Variants in ALX4 observed in about 807,000 individuals in gnomAD.
ALX4 encodes homeobox protein aristaless-like 4.
In ALX4, 22 loss-of-function variants were observed where a neutral mutation model predicts 40.6. The observed-to-expected ratio is 0.54, with a 90% confidence interval of 0.39 to 0.77. The LOEUF is 0.77. Among genes scored for constraint, ALX4 ranks in the 30% least tolerant of loss-of-function variants. ALX4 has a pLI of 0.00. For missense variants in ALX4, 556 were observed against 564.8 expected (o/e 0.98, Z 0.16); for synonymous variants, 266 against 240.5 (o/e 1.11, Z -0.98).
At chr11:44,299,572 G>A (rs895901365) in intron 1 of ALX4, among the ~76,000 whole-genome samples, 3 of 152,096 alleles carry the variant, frequency 2.0e-5, no homozygotes, top group Non-Finnish European at 4.4e-5. Context: ...GTGTTAGCCA[G>A]GATGGTCTCA....
At chr11:44,305,599 A>AC (rs1215744140) in intron 1 of ALX4, among the ~76,000 whole-genome samples, 1 of 151,832 alleles carries the variant, frequency 6.6e-6, no homozygotes, top group African/African-American at 2.4e-5. Flanking sequence ...TTCAAATACG[A>AC]CCCCGGCAGA....
In ALX4 at chr11:44,264,951, T is replaced by C; in HGVS notation, c.1139A>G (p.Tyr380Cys). 1 of 1,613,186 alleles carries C rather than the reference T, an allele frequency of 6.2e-7. No individual in the cohort carries two copies. Among genetic ancestry groups the C allele is most frequent in the South Asian group, 1.1e-5 (1 of 91,074 alleles). ...GCGGTCCGGCTCGCCGTTGAGCTCGTAGCCATTGAGGCCTGGGCTGAGGCT... is the reference window on the plus strand; with the variant it reads ...GCGGTCCGGCTCGCCGTTGAGCTCGCAGCCATTGAGGCCTGGGCTGAGGCT... Reference protein sequence around the residue: ...AASLSPGLNGYELNGEPDRKT... With the variant: ...AASLSPGLNGCELNGEPDRKT... Residue 380 changes from tyrosine (Y) to cysteine (C), a missense_variant, in exon 4 of 4, where the codon TAC (tyrosine) becomes TGC (cysteine). Physicochemically the swap from Tyr to Cys is radical, Grantham distance 194. Transcript: ENST00000652299.
intron 2 of ALX4, among the ~76,000 whole-genome samples, chr11:44,269,177 T>C (rs559066297): frequency 6.6e-6 from 1 of 152,358 alleles, no homozygotes; most frequent in South Asian, 2.1e-4. Context: ...CTGCCTGGCC[T>C]CTTTGGGCAT....
At position 44,271,737 on chromosome 11, in the gene ALX4, ACT is replaced by A. The variant is rs898527485; in HGVS notation, c.777+3609_777+3610del. ...GCGCGCATGTGTGTGTGCAGAGAAC[ACT>A]CTGTTTTAGTTGTATGGTGGCAACT... On this transcript the variant is annotated intron_variant, in intron 2 of 3. Transcript: ENST00000652299. Among the ~76,000 whole-genome samples, 21 of 151,938 alleles carry A rather than the reference ACT, an allele frequency of 1.4e-4. No individual in the cohort carries two copies. In the East Asian group the frequency reaches 1.5e-3, roughly 11 times the overall value.
chr11:44,288,470 C>A (rs958421015), intron 1 of ALX4, among the ~76,000 whole-genome samples: 2 of 152,196 alleles, frequency 1.3e-5, no homozygotes, highest in Non-Finnish European at 2.9e-5. Flanking sequence ...TCCCTAGGAA[C>A]CCCTCTTGTG....
At chr11:44,302,123 C>A (rs958164003) in intron 1 of ALX4, among the ~76,000 whole-genome samples, 3 of 152,188 alleles carry the variant, frequency 2.0e-5, no homozygotes, top group African/African-American at 7.2e-5. Context: ...GGGGGCGCCT[C>A]TGGAGGCAGA....
chr11:44,273,457 C>T (rs376316899), intron 2 of ALX4, among the ~76,000 whole-genome samples: 8 of 152,180 alleles, frequency 5.3e-5, no homozygotes, highest in African/African-American at 1.7e-4. Context: ...TCATGCTGGT[C>T]GGGGCAGATA....
chr11:44,309,563 T>G, intron 1 of ALX4, 34 bp downstream of exon 1: 1 of 1,551,356 alleles, frequency 6.4e-7, no homozygotes, highest in Non-Finnish European at 8.6e-7. Flanking sequence ...CACCCCGTGG[T>G]CCCCAGCACC....
At chr11:44,300,688 G>A (rs1956429729) in intron 1 of ALX4, among the ~76,000 whole-genome samples, 1 of 152,214 alleles carries the variant, frequency 6.6e-6, no homozygotes, top group Non-Finnish European at 1.5e-5. Flanking sequence ...CAGGGCCAAA[G>A]TGCCATTCAA....
At chr11:44,278,457 C>A (rs1342847570) in intron 1 of ALX4, among the ~76,000 whole-genome samples, 1 of 152,166 alleles carries the variant, frequency 6.6e-6, no homozygotes, top group Non-Finnish European at 1.5e-5. Context: ...TTGTGGGGGG[C>A]AGGACCAGCC....
At chr11:44,275,039 CTT>C (rs1956269363) in intron 2 of ALX4, among the ~76,000 whole-genome samples, 1 of 152,188 alleles carries the variant, frequency 6.6e-6, no homozygotes, top group Non-Finnish European at 1.5e-5. Context: ...AGCCAGGACT[CTT>C]ACACTGTGTA....
chr11:44,273,993 G>T (rs1354629395), intron 2 of ALX4, among the ~76,000 whole-genome samples: 1 of 151,776 alleles, frequency 6.6e-6, no homozygotes, highest in Non-Finnish European at 1.5e-5. Context: ...GATAAAATGG[G>T]CCCAGGCATG....
chr11:44,299,893 A>G (rs1956425548), intron 1 of ALX4, among the ~76,000 whole-genome samples: 1 of 152,080 alleles, frequency 6.6e-6, no homozygotes, highest in Non-Finnish European at 1.5e-5. Context: ...AATAGTACCA[A>G]TCTCATAGGA....
chr11:44,274,111 G>A (rs1481148165), intron 2 of ALX4, among the ~76,000 whole-genome samples: 1 of 152,166 alleles, frequency 6.6e-6, no homozygotes, highest in Admixed American at 6.5e-5. Context: ...TTGCACTCCA[G>A]CCTGGGTGAT....
intron 1 of ALX4, among the ~76,000 whole-genome samples, chr11:44,305,652 A>G (rs534248446): frequency 1.5e-4 from 23 of 152,222 alleles, no homozygotes; most frequent in Non-Finnish European, 2.5e-4. Context: ...GGTGCAGGGG[A>G]AATAAATACC....
intron 3 of ALX4, 34 bp from the exon 4 acceptor site, chr11:44,265,217 C>A (rs368387718): frequency 1.1e-5 from 17 of 1,562,280 alleles, no homozygotes; most frequent in South Asian, 9.7e-5. Context: ...CACCGGCTGG[C>A]GGGCAGGTGT....
At position 44,261,912 on chromosome 11, in the gene ALX4, C is replaced by T. The variant is rs1956184707; in HGVS notation, c.*2942G>A. The T allele has an allele frequency of 1.3e-5, 2 of 152,318 alleles. No individual in the cohort carries two copies. The highest frequency in any genetic ancestry group is 1.3e-4 in the Admixed American group (2 of 15,292). 9.4% of individuals were successfully genotyped at this position (152,318 alleles called of 1,614,324 possible). On this transcript the variant is annotated 3_prime_UTR_variant, in exon 4 of 4. Coordinates refer to ENST00000652299, the MANE Select transcript of ALX4 (RefSeq NM_021926.4). Reference sequence around the variant, plus strand: ...AGATGGCCTTGGGCAGCTGCCCTGACTTGCTCAGTCATCCTAGGAGCTGAC... The same window carrying T: ...AGATGGCCTTGGGCAGCTGCCCTGATTTGCTCAGTCATCCTAGGAGCTGAC...
At chr11:44,296,262 G>A (rs1224353770) in intron 1 of ALX4, among the ~76,000 whole-genome samples, 3 of 152,178 alleles carry the variant, frequency 2.0e-5, no homozygotes, top group African/African-American at 7.2e-5. Flanking sequence ...TCCCCATAAG[G>A]AAGAATGAAG....
At chr11:44,281,646 T>C (rs1956311092) in intron 1 of ALX4, among the ~76,000 whole-genome samples, 1 of 151,994 alleles carries the variant, frequency 6.6e-6, no homozygotes, top group African/African-American at 2.4e-5. Flanking sequence ...GAAAGGGCAC[T>C]GACTAAACCC....
Sources: gnomAD v4.1 joint callset for allele counts (sites outside exome capture counted in the v4.1 genomes callset) on GRCh38, gnomAD v4.1.1 for gene constraint, MANE v1.5 for transcripts, NCBI Gene and HGNC (gene_info 2026-07-23, HGNC 2026-07-21) for gene names.